Variants in OR9G1 observed in about 807,000 individuals in gnomAD.
The protein encoded by OR9G1 is olfactory receptor family 9 subfamily G member 1.
Under a neutral mutation model 14.5 loss-of-function variants are expected in OR9G1, and 21 were observed. The observed-to-expected ratio is 1.45, with a 90% CI of 1.03 to 2.09. OR9G1 has a LOEUF of 2.09. OR9G1 is among the 30% of genes most tolerant of loss of function. The pLI, the probability that OR9G1 is intolerant of heterozygous loss-of-function variation, is 0.00. For missense variants in OR9G1, 476 were observed against 364.2 expected, an observed-to-expected ratio of 1.31 and a Z score of -2.50; for synonymous variants, 179 against 153.3, an observed-to-expected ratio of 1.17 and a Z score of -1.24.
chr11:56,699,473 A>C (rs1196567942), intron 1 of OR9G1, among the ~76,000 whole-genome samples: 1 of 152,312 alleles, frequency 6.6e-6, no homozygotes, highest in African/African-American at 2.4e-5. Flanking sequence ...AGGTCCCAAG[A>C]GGAAGATCAT....
At position 56,702,001 on chromosome 11, in the gene OR9G1, A is replaced by G. The variant is rs1857648157; in HGVS notation, c.*696A>G. 6.6e-6 allele frequency: 1 copy of G among 152,314 alleles called. No homozygotes were observed. 9.4% of individuals were successfully genotyped at this position (152,314 alleles called of 1,614,324 possible). A position where few individuals can be genotyped will look rare whatever the true frequency, so the allele number is the denominator to read the frequency against. On this transcript the variant is annotated 3_prime_UTR_variant, in exon 2 of 2. Transcript: ENST00000642097. ...AAAATTGTGACCTTCTGAGCATCAAAGGGCAATTATCATCATTTAAAAAAT... is the reference window on the plus strand; with the variant it reads ...AAAATTGTGACCTTCTGAGCATCAAGGGGCAATTATCATCATTTAAAAAAT...
rs1280209608 is a variant in OR9G1, at chr11:56,702,665, A to G, written c.*1360A>G. 1.5e-5 allele frequency: 2 copies of G among 131,186 alleles called. No individual in the cohort carries two copies. Among genetic ancestry groups the G allele is most frequent in the Non-Finnish European group, 3.3e-5 (2 of 61,258 alleles). 8.1% of individuals were successfully genotyped at this position (131,186 alleles called of 1,614,324 possible). Reference sequence around the variant, plus strand: ...GTGAAATAAGCCAGGCACAGAAGAAAACATATTGAATCATCCCACTTATGA... The same window carrying G: ...GTGAAATAAGCCAGGCACAGAAGAAGACATATTGAATCATCCCACTTATGA... On this transcript the variant is annotated 3_prime_UTR_variant, in exon 2 of 2. Coordinates refer to ENST00000642097, the MANE Select transcript of OR9G1 (RefSeq NM_001005213.2).
rs1857644693 is a variant in OR9G1 at position 56,701,901 on chromosome 11, T to C, written c.*596T>C. 1 of 152,350 alleles carries C rather than the reference T, an allele frequency of 6.6e-6. No homozygotes were observed. The highest frequency in any genetic ancestry group is 2.4e-5 in the African/African-American group (1 of 41,488). The allele number at this position is 152,350 out of a possible 1,614,324, so 9.4% of individuals were successfully genotyped here. On this transcript the variant is annotated 3_prime_UTR_variant, in exon 2 of 2. Transcript: ENST00000642097. ...ATTCATCAAGATGCCATATATATGA[T>C]TTTTGTAATTCACTGTATAACTCCC...
At position 56,701,423 on chromosome 11, in the gene OR9G1, GT is replaced by G; in HGVS notation, c.*120del. On this transcript the variant is annotated 3_prime_UTR_variant, in exon 2 of 2. Transcript: ENST00000642097. ...TCAGTCCCCTTCTTGACACGTGAGA[GT>G]TACAGACATGTACAATAAGAAAATT... 1 of 1,359,918 alleles carries G rather than the reference GT, an allele frequency of 7.4e-7. No homozygotes were observed. Among genetic ancestry groups the G allele is most frequent in the Non-Finnish European group, 9.7e-7 (1 of 1,025,846 alleles). The allele number at this position is 1,359,918 out of a possible 1,614,324, so 84.2% of individuals were successfully genotyped here.
chr11:56,700,962 G>T lies in OR9G1; in HGVS notation c.575G>T (p.Gly192Val), dbSNP rs745475311. Residue 192 changes from glycine to valine, a missense_variant, in exon 2 of 2, where the codon GGC (glycine) becomes GTC (valine). This residue lies in a region of OR9G1 where 352 missense variants were observed against 211.6 expected (regional missense o/e 1.66). Transcript: ENST00000642097. Reference sequence around the variant, plus strand: ...GTGGAGCTGGCCTGTGGCGAGAAGGGCGGCTATAAAATTATGATGTACTTC... The same window carrying T: ...GTGGAGCTGGCCTGTGGCGAGAAGGTCGGCTATAAAATTATGATGTACTTC... ...PLVELACGEK[G>V]GYKIMMYFLL... is the part of the protein sequence containing the mutation. The T allele has an allele frequency of 1.2e-6, 2 of 1,614,256 alleles. No homozygotes were observed. The highest frequency in any genetic ancestry group is 2.7e-5 in the African/African-American group (2 of 75,090).
rs199815410 is a variant in OR9G1 at position 56,700,485 on chromosome 11, T to C, written c.98T>C (p.Val33Ala). Reference sequence around the variant, plus strand: ...GGCCTCTTCGTGGTGTTCCTGGGCGTGTACTCTCTCACTGTGGTAGGAAAT... The same window carrying C: ...GGCCTCTTCGTGGTGTTCCTGGGCGCGTACTCTCTCACTGTGGTAGGAAAT... Reference protein sequence around the residue: ...QLGLFVVFLGVYSLTVVGNST... With the variant: ...QLGLFVVFLGAYSLTVVGNST... The change falls in exon 2 of 2, where the codon GTG becomes GCG. Residue 33 changes from valine (V) to alanine (A), a missense_variant. Around this residue, in one of 3 missense-constraint regions of OR9G1, gnomAD observed 89 missense variants for 85.1 expected, o/e 1.05. Coordinates refer to ENST00000642097, the MANE Select transcript of OR9G1 (RefSeq NM_001005213.2). 2.8e-5 allele frequency: 46 copies of C among 1,614,290 alleles called. No individual in the cohort carries two copies. In the East Asian group the frequency reaches 9.1e-4, roughly 32 times the overall value.
In OR9G1 at chr11:56,701,099, T is replaced by G; in HGVS notation, c.712T>G (p.Ser238Ala). The stretch of plus-strand genomic sequence containing the variant: ...CTCCAAGGGCTACCTCAAAGCCTTC[T>G]CCACATGCTCCTCCCACCTGACCTC... Reference protein sequence around the residue: ...SSSKGYLKAFSTCSSHLTSVT... With the variant: ...SSSKGYLKAFATCSSHLTSVT... The change falls in exon 2 of 2, where the codon TCC (serine) becomes GCC (alanine). Residue 238 changes from serine (S) to alanine (A), a missense_variant. By Grantham distance (99) the Ser-to-Ala change is moderately conservative (BLOSUM62 1). This residue lies in a region of OR9G1 where 352 missense variants were observed against 211.6 expected (regional missense o/e 1.66). Coordinates refer to ENST00000642097, the MANE Select transcript of OR9G1 (RefSeq NM_001005213.2). 1 of 1,614,304 alleles carries G rather than the reference T, an allele frequency of 6.2e-7. No homozygotes were observed. Among genetic ancestry groups the G allele is most frequent in the African/African-American group, 1.3e-5 (1 of 75,090 alleles).
chr11:56,700,793 T>A lies in OR9G1; in HGVS notation c.406T>A (p.Ser136Thr). 1 of 1,614,316 alleles carries A rather than the reference T, an allele frequency of 6.2e-7. No homozygotes were observed. The highest frequency in any genetic ancestry group is 8.5e-7 in the Non-Finnish European group (1 of 1,180,060). The change falls in exon 2 of 2, where the codon TCC becomes ACC. Residue 136 changes from serine (S) to threonine (T), a missense_variant. Physicochemically the swap from Ser to Thr is moderately conservative, Grantham distance 58 (BLOSUM62 1). Around this residue, in one of 3 missense-constraint regions of OR9G1, gnomAD observed 352 missense variants for 211.6 expected, o/e 1.66. Coordinates refer to ENST00000642097, the MANE Select transcript of OR9G1 (RefSeq NM_001005213.2). ...GCCCCTGCTTTATGCCCAGGCCATG[T>A]CCATAAAGCTGTGTGCATTGCTGGT... Reference protein sequence around the residue: ...SKPLLYAQAMSIKLCALLVAV... With the variant: ...SKPLLYAQAMTIKLCALLVAV...
rs940688270 is a variant in OR9G1, at chr11:56,701,500, T to C, written c.*195T>C. On this transcript the variant is annotated 3_prime_UTR_variant, in exon 2 of 2. Coordinates refer to ENST00000642097, the MANE Select transcript of OR9G1 (RefSeq NM_001005213.2). ...GAATATATAAGAATTTGAATTGAAT[T>C]TCCTATCTCTCTTATTAAAAACAAA... 16 of 809,450 alleles carry C rather than the reference T, an allele frequency of 2.0e-5. No homozygotes were observed. Among genetic ancestry groups the C allele is most frequent in the Non-Finnish European group, 2.5e-5 (14 of 552,304 alleles). The allele number at this position is 809,450 out of a possible 1,614,324, so 50.1% of individuals were successfully genotyped here.
rs748577251 is a variant in OR9G1 at position 56,701,002 on chromosome 11, T to C, written c.615T>C (p.Asn205=). The part of the protein sequence containing the change: ...KIMMYFLLAS[N]VICPAVLILA... ...TGATGTACTTCCTGCTGGCCTCCAA[T>C]GTCATCTGCCCCGCAGTGCTCATCC... is the stretch of plus-strand genomic sequence containing the variant. The change falls in exon 2 of 2, where the codon AAT becomes AAC. Residue 205 remains asparagine, a synonymous_variant. Transcript: ENST00000642097. 3.1e-6 allele frequency: 5 copies of C among 1,614,270 alleles called. No homozygotes were observed. Among genetic ancestry groups the C allele is most frequent in the South Asian group, 1.1e-5 (1 of 91,092 alleles).
rs879271472 is a variant in OR9G1 at position 56,701,361 on chromosome 11, G to C, written c.*56G>C. ...AAGACGACCTTAGATGGAGTGTTGT[G>C]TATTTCAAACAGAGTTACCATTGTG... On this transcript the variant is annotated 3_prime_UTR_variant, in exon 2 of 2. Coordinates refer to ENST00000642097, the MANE Select transcript of OR9G1 (RefSeq NM_001005213.2). 4 of 1,530,940 alleles carry C rather than the reference G, an allele frequency of 2.6e-6. No individual in the cohort carries two copies. Among genetic ancestry groups the C allele is most frequent in the Middle Eastern group, 3.5e-4 (2 of 5,694 alleles). The allele number at this position is 1,530,940 out of a possible 1,614,324, so 94.8% of individuals were successfully genotyped here. A position where few individuals can be genotyped will look rare whatever the true frequency, so the allele number is the denominator to read the frequency against.
chr11:56,700,840 C>T lies in OR9G1; in HGVS notation c.453C>T (p.Gly151=), dbSNP rs1320011140. 1 of 1,614,318 alleles carries T rather than the reference C, an allele frequency of 6.2e-7. No homozygotes were observed. The highest frequency in any genetic ancestry group is 1.3e-5 in the African/African-American group (1 of 75,090). ...ALLVAVSYCG[G]FINSSIITKK... is the part of the protein sequence containing the mutation. ...TGGTAGCAGTCTCATATTGTGGTGGCTTTATTAACTCTTCAATCATCACCA... is the reference window on the plus strand; with the variant it reads ...TGGTAGCAGTCTCATATTGTGGTGGTTTTATTAACTCTTCAATCATCACCA... The change falls in exon 2 of 2, where the codon GGC becomes GGT. Residue 151 remains glycine, a synonymous_variant. Transcript: ENST00000642097.
chr11:56,700,228 T>C (rs920755304), intron 1 of OR9G1, 142 bp from the exon 2 acceptor site: 3 of 1,312,680 alleles, frequency 2.3e-6, no homozygotes, highest in Non-Finnish European at 2.0e-6. Context: ...AGCCTGATTG[T>C]TGCAAAATGA....
rs1268371694 is a variant in OR9G1, at chr11:56,701,946, C to G, written c.*641C>G. The stretch of plus-strand genomic sequence containing the variant: ...ACTCCCAGAGCTCCTCTTTATTTTA[C>G]AGGGGTGAACTTACAAGGACTTTTA... On this transcript the variant is annotated 3_prime_UTR_variant, in exon 2 of 2. Coordinates refer to ENST00000642097, the MANE Select transcript of OR9G1 (RefSeq NM_001005213.2). 2 of 152,314 alleles carry G rather than the reference C, an allele frequency of 1.3e-5. No homozygotes were observed. Among genetic ancestry groups the G allele is most frequent in the Non-Finnish European group, 2.9e-5 (2 of 68,060 alleles). 9.4% of individuals were successfully genotyped at this position (152,314 alleles called of 1,614,324 possible).
chr11:56,703,304 G>A lies in OR9G1; in HGVS notation c.*1999G>A, dbSNP rs1462812060. ...CAATCATGGACATTACAAAGTAAGTGGGTGCAAGAAATAAAATCAATGCAA... is the reference window on the plus strand; with the variant it reads ...CAATCATGGACATTACAAAGTAAGTAGGTGCAAGAAATAAAATCAATGCAA... On this transcript the variant is annotated 3_prime_UTR_variant, in exon 2 of 2. Coordinates refer to ENST00000642097, the MANE Select transcript of OR9G1 (RefSeq NM_001005213.2). 2 of 133,470 alleles carry A rather than the reference G, an allele frequency of 1.5e-5. No individual in the cohort carries two copies. The highest frequency in any genetic ancestry group is 5.6e-5 in the African/African-American group (2 of 35,930). 8.3% of individuals were successfully genotyped at this position (133,470 alleles called of 1,614,324 possible).
At chr11:56,699,558 C>A (rs74198548) in intron 1 of OR9G1, among the ~76,000 whole-genome samples, 1 of 152,146 alleles carries the variant, frequency 6.6e-6, no homozygotes, top group Non-Finnish European at 1.5e-5. Flanking sequence ...AGAAGTTAGT[C>A]TGTCAAGAAT....
In OR9G1 at chr11:56,701,074, CT is replaced by C; in HGVS notation, c.688del (p.Ser230ProfsTer15). ...TCACCAGTGTCTTGAGGATCTCCTCCTCCAAGGGCTACCTCAAAGCCTTCTC... is the reference window on the plus strand; with the variant it reads ...TCACCAGTGTCTTGAGGATCTCCTCCCCAAGGGCTACCTCAAAGCCTTCTC... The part of the protein sequence containing the change: ...IITSVLRISS[S>X]KGYLKAFSTC... On this transcript the variant is annotated frameshift_variant, in exon 2 of 2. Transcript: ENST00000642097. LOFTEE classifies it high-confidence loss of function. 1 of 1,614,300 alleles carries C rather than the reference CT, an allele frequency of 6.2e-7. No homozygotes were observed. The highest frequency in any genetic ancestry group is 2.2e-5 in the East Asian group (1 of 44,894).
rs767957699 is a variant in OR9G1 at position 56,700,863 on chromosome 11, C to T, written c.476C>T (p.Thr159Ile). The change falls in exon 2 of 2, where the codon ACC (threonine) becomes ATC (isoleucine). Residue 159 changes from threonine (T) to isoleucine (I), a missense_variant. This residue lies in a region of OR9G1 where 352 missense variants were observed against 211.6 expected (regional missense o/e 1.66). Coordinates refer to ENST00000642097, the MANE Select transcript of OR9G1 (RefSeq NM_001005213.2). ...CGGFINSSII[T>I]KKTFSFNFCR... is the part of the protein sequence containing the mutation. ...GGCTTTATTAACTCTTCAATCATCA[C>T]CAAGAAAACGTTTTCCTTTAACTTC... 8 of 1,614,132 alleles carry T rather than the reference C, an allele frequency of 5.0e-6. No individual in the cohort carries two copies. The highest frequency in any genetic ancestry group is 5.9e-6 in the Non-Finnish European group (7 of 1,180,010).
At chr11:56,699,936 C>T (rs908793196) in intron 1 of OR9G1, among the ~76,000 whole-genome samples, 2 of 152,298 alleles carry the variant, frequency 1.3e-5, no homozygotes, top group East Asian at 1.9e-4. Context: ...ATTTATAATG[C>T]TTTCATAATG....
Sources: gnomAD v4.1 joint callset for allele counts (sites outside exome capture counted in the v4.1 genomes callset) on GRCh38, gnomAD v4.1.1 for gene constraint, gnomAD v4.1.1 regional missense constraint, MANE v1.5 for transcripts, NCBI Gene and HGNC (gene_info 2026-07-23, HGNC 2026-07-21) for gene names.